TBCEL: variants seen among roughly 807,000 people sequenced by gnomAD.
TBCEL encodes the protein tubulin folding cofactor E like.
In TBCEL, 15 loss-of-function variants were observed where a neutral mutation model predicts 44.2. The ratio of observed to expected loss-of-function variants is 0.34; its 90% CI spans 0.23 to 0.52. The LOEUF (loss-of-function observed/expected upper bound fraction) is 0.52, where lower values mean the gene tolerates loss of function less well. Ranked by LOEUF, TBCEL falls within the 20% of genes least tolerant of loss-of-function variation. The probability of loss-of-function intolerance (pLI) is 0.95; values close to 1 mark genes in which losing one functional copy is unlikely to be tolerated. For synonymous variants in TBCEL, 171 were observed against 185.4 expected (o/e 0.92, Z 0.63); for missense variants, 319 against 506.3 (o/e 0.63, Z 3.55).
At chr11:121,077,958 T>G (rs1204442865) in intron 8 of TBCEL, among the ~76,000 whole-genome samples, 1 of 152,136 alleles carries the variant, frequency 6.6e-6, no homozygotes, top group East Asian at 1.9e-4. Context: ...CCAGTATAAT[T>G]TCATTATAGT....
chr11:121,024,286 T>A lies in TBCEL; in HGVS notation c.-131T>A, dbSNP rs1945003416. On this transcript the variant is annotated 5_prime_UTR_variant, in exon 1 of 9. Transcript: ENST00000683345. ...GCAGTAGCTCCCCCGCCTCCCGGGCTGAGGGGTGAGTGGAGCCGGGCCCGC... is the reference window on the plus strand; with the variant it reads ...GCAGTAGCTCCCCCGCCTCCCGGGCAGAGGGGTGAGTGGAGCCGGGCCCGC... 6.6e-6 allele frequency: 1 copy of A among 152,312 alleles called. No homozygotes were observed. Among genetic ancestry groups the A allele is most frequent in the Admixed American group, 6.5e-5 (1 of 15,290 alleles). The allele number at this position is 152,312 out of a possible 1,614,324, so 9.4% of individuals were successfully genotyped here. A position where few individuals can be genotyped will look rare whatever the true frequency, so the allele number is the denominator to read the frequency against.
intron 1 of TBCEL, among the ~76,000 whole-genome samples, chr11:121,030,133 G>T (rs903174917): frequency 5.3e-5 from 8 of 152,202 alleles, no homozygotes; most frequent in African/African-American, 1.9e-4. Context: ...TAAACACTGA[G>T]ATGAAGCAGC....
chr11:121,086,214 A>G (rs368081297), intron 8 of TBCEL, among the ~76,000 whole-genome samples: 56 of 152,290 alleles, frequency 3.7e-4, no homozygotes, highest in African/African-American at 1.3e-3. Context: ...ACTTTTTTCC[A>G]AGAATGTATT....
chr11:121,039,236 T>C (rs1349096832), intron 2 of TBCEL, among the ~76,000 whole-genome samples: 1 of 152,242 alleles, frequency 6.6e-6, no homozygotes, highest in African/African-American at 2.4e-5. Flanking sequence ...GTTCATGTGC[T>C]GTTGTTTCCT....
chr11:121,034,187 A>G (rs1248662014), intron 1 of TBCEL, among the ~76,000 whole-genome samples: 1 of 152,194 alleles, frequency 6.6e-6, no homozygotes, highest in African/African-American at 2.4e-5. Flanking sequence ...TATTTTCCAC[A>G]CCAGTTGTAC....
At chr11:121,068,619 C>T (rs1026840320) in intron 8 of TBCEL, among the ~76,000 whole-genome samples, 2 of 152,082 alleles carry the variant, frequency 1.3e-5, no homozygotes, top group East Asian at 3.9e-4. Flanking sequence ...CGCAGTGGCT[C>T]ATGCCTGTAA....
At chr11:121,058,984 C>G (rs755233321) in intron 7 of TBCEL, among the ~76,000 whole-genome samples, 3 of 151,918 alleles carry the variant, frequency 2.0e-5, no homozygotes, top group South Asian at 2.1e-4. Context: ...CAGCCTCTGC[C>G]TCCACATACT....
intron 2 of TBCEL, 70 bp downstream of exon 2, chr11:121,036,682 T>C (rs1945237059): frequency 2.0e-5 from 3 of 152,196 alleles, no homozygotes; most frequent in Non-Finnish European, 4.4e-5. Context: ...AATTATGACA[T>C]TCTGGGGCTA....
intron 8 of TBCEL, among the ~76,000 whole-genome samples, chr11:121,080,465 C>T (rs1409475923): frequency 2.6e-5 from 4 of 151,784 alleles, no homozygotes; most frequent in Non-Finnish European, 5.9e-5. Context: ...TTATTTTTCT[C>T]TAGGATACTC....
rs570420390 is a variant in TBCEL at position 121,086,619 on chromosome 11, G to A, written c.957-159G>A. On this transcript the variant is annotated intron_variant, in intron 8 of 8. Coordinates refer to ENST00000683345, the MANE Select transcript of TBCEL (RefSeq NM_001363644.2). ...CCAGTTTTACTGTGGCCTCCCTAGG[G>A]CACTCATATTAGATCACAGAGTCCA... 7.2e-5 allele frequency among the ~76,000 whole-genome samples: 11 copies of A among 152,260 alleles called. No individual in the cohort carries two copies. In the South Asian group the frequency reaches 2.3e-3, roughly 32 times the overall value.
chr11:121,039,357 T>C (rs1446317507), intron 2 of TBCEL, among the ~76,000 whole-genome samples: 4 of 152,374 alleles, frequency 2.6e-5, no homozygotes, highest in East Asian at 1.9e-4. Flanking sequence ...CTTCTTATGT[T>C]GAATTCACTA....
chr11:121,060,655 A>G (rs1056162091), intron 8 of TBCEL, among the ~76,000 whole-genome samples: 3 of 151,974 alleles, frequency 2.0e-5, no homozygotes, highest in African/African-American at 7.2e-5. Context: ...GTGAGGAACT[A>G]ACTTTAATTC....
intron 8 of TBCEL, among the ~76,000 whole-genome samples, chr11:121,071,328 G>T (rs1945927702): frequency 6.6e-6 from 1 of 152,146 alleles, no homozygotes; most frequent in Non-Finnish European, 1.5e-5. Context: ...AGCATATCAT[G>T]TATCTTTGGG....
intron 8 of TBCEL, among the ~76,000 whole-genome samples, chr11:121,075,588 G>A (rs887451142): frequency 3.9e-5 from 6 of 151,932 alleles, no homozygotes; most frequent in Admixed American, 3.9e-4. Flanking sequence ...AATATTTTTA[G>A]TATGTGAGAT....
At position 121,058,345 on chromosome 11, in the gene TBCEL, G is replaced by A. The variant is rs1441815779; in HGVS notation, c.713G>A (p.Gly238Asp). ...NLRSISLHKS[G>D]LQSWEDIDKL... is the part of the protein sequence containing the mutation. ...CTTAAACAATATGTTCTCAAATTAGGTTTGCAGTCCTGGGAAGACATTGAT... is the reference window on the plus strand; with the variant it reads ...CTTAAACAATATGTTCTCAAATTAGATTTGCAGTCCTGGGAAGACATTGAT... The change falls in exon 7 of 9, where the codon GGT (glycine) becomes GAT (aspartate). Residue 238 changes from glycine to aspartate, a missense_variant and splice_region_variant. Transcript: ENST00000683345. The A allele has an allele frequency of 3.7e-6, 6 of 1,610,482 alleles. No homozygotes were observed. Among genetic ancestry groups the A allele is most frequent in the Non-Finnish European group, 5.1e-6 (6 of 1,177,670 alleles).
At chr11:121,062,708 G>A (rs1424772322) in intron 8 of TBCEL, among the ~76,000 whole-genome samples, 1 of 152,146 alleles carries the variant, frequency 6.6e-6, no homozygotes, top group Non-Finnish European at 1.5e-5. Flanking sequence ...CTTTATTCAG[G>A]AAAGGAATTT....
At position 121,087,296 on chromosome 11, in the gene TBCEL, C is replaced by T; in HGVS notation, c.*200C>T. On this transcript the variant is annotated 3_prime_UTR_variant, in exon 9 of 9. Transcript: ENST00000683345. ...TTTTCTACCACAGATTGATTTGGCT[C>T]AGCCAGCGGAATTGGCCACATTTCC... 1.8e-6 allele frequency: 1 copy of T among 571,256 alleles called. No homozygotes were observed. The highest frequency in any genetic ancestry group is 3.1e-6 in the Non-Finnish European group (1 of 326,074). 35.4% of individuals were successfully genotyped at this position (571,256 alleles called of 1,614,324 possible).
At chr11:121,082,718 A>C (rs2135018819) in intron 8 of TBCEL, among the ~76,000 whole-genome samples, 1 of 152,366 alleles carries the variant, frequency 6.6e-6, no homozygotes, top group South Asian at 2.1e-4. Context: ...AAGTGCTTAC[A>C]AAATCTGTGG....
At chr11:121,037,629 G>A (rs769166547) in intron 2 of TBCEL, among the ~76,000 whole-genome samples, 27 of 152,186 alleles carry the variant, frequency 1.8e-4, no homozygotes, top group Middle Eastern at 3.2e-3. Flanking sequence ...TCTTGACATG[G>A]AAAATTTTTC....
Sources: allele counts gnomAD v4.1 joint callset (sites outside exome capture counted in the v4.1 genomes callset), GRCh38; gene constraint gnomAD v4.1.1; transcripts MANE v1.5; gene names NCBI Gene and HGNC (gene_info 2026-07-23, HGNC 2026-07-21).